DST: variants seen among roughly 807,000 people sequenced by gnomAD.
The protein encoded by DST is bullous pemphigoid antigen.
A neutral mutation model predicts 875.2 loss-of-function variants in DST; 253 were observed. The observed-to-expected ratio is 0.29, with a 90% confidence interval of 0.26 to 0.32. DST has a LOEUF of 0.32. DST is among the 10% of genes least tolerant of loss of function. The pLI is 1.00. For synonymous variants in DST, 3,124 were observed against 3,197.1 expected (o/e 0.98, Z 0.77); for missense variants, 8,287 against 9,111.6 (o/e 0.91, Z 3.68).
At chr6:56,881,159 T>A (rs759556026) in intron 3 of DST, among the ~76,000 whole-genome samples, 9 of 149,506 alleles carry the variant, frequency 6.0e-5, no homozygotes, top group Non-Finnish European at 8.9e-5. Flanking sequence ...TAAAATACCA[T>A]CTTTCTCAAA....
At chr6:56,692,324 G>T in intron 9 of DST, 1 of 833,078 alleles carries the variant, frequency 1.2e-6, no homozygotes, top group Non-Finnish European at 1.6e-6. Flanking sequence ...CAAATTAGAT[G>T]TCAGTCTGAT....
chr6:56,573,625 T>G, intron 51 of DST, 54 bp downstream of exon 51: 2 of 1,368,158 alleles, frequency 1.5e-6, no homozygotes, highest in South Asian at 1.2e-5. Context: ...TTTGAGCTTA[T>G]AAAACTGTTT....
chr6:56,699,886 T>G (rs1285351712), intron 8 of DST, 141 bp from the exon 9 acceptor site: 1 of 530,696 alleles, frequency 1.9e-6, no homozygotes, highest in Non-Finnish European at 3.3e-6. Context: ...TAAATATTGT[T>G]TTACCCTTAT....
intron 2 of DST, among the ~76,000 whole-genome samples, chr6:56,935,471 T>C (rs1041864565): frequency 3.3e-5 from 5 of 152,260 alleles, no homozygotes; most frequent in Non-Finnish European, 5.9e-5. Context: ...AACTTGTTAA[T>C]GGTCTACTGC....
At chr6:56,464,501 G>A in intron 100 of DST, 184 bp downstream of exon 100, 3 of 604,098 alleles carry the variant, frequency 5.0e-6, no homozygotes, top group South Asian at 4.1e-5. Context: ...ACCTGCATGT[G>A]TAACACAACC....
At chr6:56,623,413 A>G (rs952835171) in intron 36 of DST, among the ~76,000 whole-genome samples, 1 of 152,210 alleles carries the variant, frequency 6.6e-6, no homozygotes, top group African/African-American at 2.4e-5. Flanking sequence ...TTCATAGATG[A>G]GAGATGCATG....
At chr6:56,618,613 A>G in intron 36 of DST, 2 of 1,614,084 alleles carry the variant, frequency 1.2e-6, no homozygotes, top group Non-Finnish European at 1.7e-6. Context: ...GATACTGTTG[A>G]AGCTGTCTTT....
intron 36 of DST, chr6:56,615,431 C>T (rs2098603959): frequency 6.3e-7 from 1 of 1,596,416 alleles, no homozygotes; most frequent in Admixed American, 1.7e-5. Flanking sequence ...TCACAGACTG[C>T]ATATGTAGCC....
chr6:56,581,793 G>C (rs950131414), intron 49 of DST, among the ~76,000 whole-genome samples: 1 of 152,176 alleles, frequency 6.6e-6, no homozygotes, highest in African/African-American at 2.4e-5. Context: ...ACTGCCTCTT[G>C]AGTATTTCCA....
chr6:56,701,265 G>T (rs2099303923), intron 8 of DST, among the ~76,000 whole-genome samples: 2 of 151,194 alleles, frequency 1.3e-5, no homozygotes, highest in African/African-American at 4.9e-5. Context: ...CTAATATTTT[G>T]GCCTATGACG....
intron 34 of DST, 115 bp downstream of exon 34, chr6:56,627,089 G>C: frequency 1.2e-6 from 1 of 835,932 alleles, no homozygotes; most frequent in Admixed American, 1.8e-5. Context: ...TGTCAAAAAA[G>C]TTCAAATGAA....
intron 4 of DST, among the ~76,000 whole-genome samples, chr6:56,837,852 G>C (rs1254847405): frequency 2.6e-5 from 4 of 151,336 alleles, no homozygotes; most frequent in Non-Finnish European, 5.9e-5. Context: ...AGAATTATTT[G>C]CTTCTTCTTT....
In DST at chr6:56,487,192, A is replaced by T; in HGVS notation, c.20959T>A (p.Ser6987Thr). The change falls in exon 87 of 104, where the codon TCC becomes ACC. Residue 6987 changes from serine to threonine, a missense_variant. Physicochemically the swap from Ser to Thr is moderately conservative, Grantham distance 58. This residue lies in a region of DST where 1,292 missense variants were observed against 1,552.7 expected (regional missense o/e 0.83). Coordinates refer to ENST00000680361, the MANE Select transcript of DST (RefSeq NM_001374736.1). ...AGTTTCAGGTTGTCATCAGCCAGGGAGGTTTTCTCCTTCAGAGAACGTCCA... is the reference window on the plus strand; with the variant it reads ...AGTTTCAGGTTGTCATCAGCCAGGGTGGTTTTCTCCTTCAGAGAACGTCCA... ...RTGRSLKEKT[S>T]LADDNLKLDD... The T allele has an allele frequency of 1.2e-6, 2 of 1,613,906 alleles. No individual in the cohort carries two copies. The highest frequency in any genetic ancestry group is 1.7e-6 in the Non-Finnish European group (2 of 1,179,840).
At chr6:56,518,812 T>C (rs768456995) in intron 69 of DST, among the ~76,000 whole-genome samples, 12 of 152,220 alleles carry the variant, frequency 7.9e-5, no homozygotes, top group Non-Finnish European at 1.5e-4. Context: ...AGTCCAGTAC[T>C]GCCAGATCTT....
intron 2 of DST, among the ~76,000 whole-genome samples, chr6:56,947,603 A>G (rs1820281313): frequency 6.6e-6 from 1 of 152,188 alleles, no homozygotes; most frequent in South Asian, 2.1e-4. Context: ...CAAATAAAAT[A>G]ATGTTATGTC....
chr6:56,751,609 T>C (rs2099587407), intron 4 of DST, among the ~76,000 whole-genome samples: 1 of 152,158 alleles, frequency 6.6e-6, no homozygotes, highest in South Asian at 2.1e-4. Context: ...CCATTTAAAA[T>C]GCTATGGAAT....
At chr6:56,811,017 C>T (rs2099759297) in intron 4 of DST, among the ~76,000 whole-genome samples, 1 of 151,374 alleles carries the variant, frequency 6.6e-6, no homozygotes, top group Non-Finnish European at 1.5e-5. Flanking sequence ...CCCCCCATCT[C>T]TACAAAAACT....
chr6:56,620,793 G>A (rs1253221768), intron 36 of DST: 5 of 1,373,854 alleles, frequency 3.6e-6, no homozygotes, highest in East Asian at 2.3e-5. Flanking sequence ...GTTCATAAAA[G>A]TACTTACAAA....
At chr6:56,863,247 G>A (rs1772240510) in intron 3 of DST, 3 of 152,318 alleles carry the variant, frequency 2.0e-5, no homozygotes, top group African/African-American at 4.8e-5. Flanking sequence ...GAGCAAAGGT[G>A]TATAAACCAT....
Sources: gnomAD v4.1 joint callset for allele counts (sites outside exome capture counted in the v4.1 genomes callset) on GRCh38, gnomAD v4.1.1 for gene constraint, gnomAD v4.1.1 regional missense constraint, MANE v1.5 for transcripts, NCBI Gene and HGNC (gene_info 2026-07-23, HGNC 2026-07-21) for gene names.